The following UVSSA variants were observed in gnomAD, a reference collection of about 807,000 sequenced individuals.
The protein encoded by UVSSA is UV stimulated scaffold protein A.
UVSSA carries 72 observed loss-of-function variants against 73.9 expected under a neutral mutation model. That is an observed-to-expected ratio of 0.97 (90% CI 0.81 to 1.19). The LOEUF is 1.19. Ranked by LOEUF, UVSSA falls within the 50% of genes most tolerant of loss-of-function variation. The pLI, the probability that UVSSA is intolerant of heterozygous loss-of-function variation, is 0.00. For missense variants in UVSSA, 1,150 were observed against 965.0 expected (o/e 1.19, Z -2.54); for synonymous variants, 454 against 391.3 (o/e 1.16, Z -1.89).
chr4:1,344,458 C>T (rs10018133), upstream of UVSSA, among the ~76,000 whole-genome samples: 22,883 of 151,884 alleles, frequency 0.15, 1,988 homozygotes, highest in African/African-American at 0.23. Flanking sequence ...GGCCAAGACA[C>T]GAGAATCATT....
chr4:1,366,367 T>C lies in UVSSA; in HGVS notation c.1224T>C (p.Phe408=). 1 of 1,613,306 alleles carries C rather than the reference T, an allele frequency of 6.2e-7. No homozygotes were observed. The change falls in exon 8 of 14, where the codon TTT becomes TTC. Residue 408 remains phenylalanine (F), a synonymous_variant. Coordinates refer to ENST00000389851, the MANE Select transcript of UVSSA (RefSeq NM_020894.4). Reference sequence around the variant, plus strand: ...AGGAAGATGAGGACGATGAGGACTTTGTGGAGGTCCCTGAGAAGGAGGGGT... The same window carrying C: ...AGGAAGATGAGGACGATGAGGACTTCGTGGAGGTCCCTGAGAAGGAGGGGT... The part of the protein sequence containing the change: ...DAEEDEDDED[F]VEVPEKEGYE...
At chr4:1,357,486 G>A (rs1335485057) in intron 7 of UVSSA, among the ~76,000 whole-genome samples, 1 of 152,252 alleles carries the variant, frequency 6.6e-6, no homozygotes, top group Non-Finnish European at 1.5e-5. Flanking sequence ...TGGTGGAAGT[G>A]AATCTGGGCA....
chr4:1,380,508 G>A, intron 11 of UVSSA: 1 of 888,494 alleles, frequency 1.1e-6, no homozygotes, highest in Non-Finnish European at 1.7e-6. Flanking sequence ...CTCCATGGTT[G>A]CAGCCCGGGT....
chr4:1,383,689 GCC>G, intron 12 of UVSSA, 75 bp from the exon 13 acceptor site: 1 of 1,577,118 alleles, frequency 6.3e-7, no homozygotes, highest in Admixed American at 1.7e-5. Flanking sequence ...GAGACCAAGA[GCC>G]CCTCCTGGGG....
In UVSSA at chr4:1,381,456, C is replaced by T. The variant is rs78423011; in HGVS notation, c.1861+468C>T. The stretch of plus-strand genomic sequence containing the variant: ...AGGAGGCGTGTGGCCACTGCTATGG[C>T]GGCAGGAGTGCGGGTGCCCAGAGGC... On this transcript the variant is annotated intron_variant, in intron 12 of 13. Coordinates refer to ENST00000389851, the MANE Select transcript of UVSSA (RefSeq NM_020894.4). Among the ~76,000 whole-genome samples, 1,520 of 152,318 alleles carry T rather than the reference C, an allele frequency of 1.0e-2. 25 individuals carry two copies. Among genetic ancestry groups the T allele is most frequent in the African/African-American group, 0.033 (1,354 of 41,576 alleles).
At chr4:1,372,549 C>T (rs1303488122) in intron 8 of UVSSA, among the ~76,000 whole-genome samples, 2 of 152,210 alleles carry the variant, frequency 1.3e-5, no homozygotes, top group South Asian at 2.1e-4. Context: ...CCACGTGTGG[C>T]CTCCTTCCAC....
Position 1,383,786 on chromosome 4 carries a change from A to T in UVSSA, c.1882A>T (p.Met628Leu), listed in dbSNP as rs1260544010. The T allele has an allele frequency of 1.2e-6, 2 of 1,613,334 alleles. No homozygotes were observed. Among genetic ancestry groups the T allele is most frequent in the Non-Finnish European group, 1.7e-6 (2 of 1,179,992 alleles). Reference protein sequence around the residue: ...ERPEWQDPELMRDVEAATGQD... With the variant: ...ERPEWQDPELLRDVEAATGQD... ...TGCAGAATGGCAGGACCCTGAGTTG[A>T]TGAGAGACGTGGAAGCAGCCACAGG... Residue 628 changes from methionine (M) to leucine (L), a missense_variant, in exon 13 of 14, where the codon ATG becomes TTG. By Grantham distance (15) the Met-to-Leu change is conservative. Coordinates refer to ENST00000389851, the MANE Select transcript of UVSSA (RefSeq NM_020894.4).
chr4:1,349,499 G>C (rs1458243106), intron 2 of UVSSA, 25 bp from the exon 3 acceptor site: 1 of 1,601,264 alleles, frequency 6.2e-7, no homozygotes, highest in Middle Eastern at 1.9e-4. Context: ...TGGGGCAGTT[G>C]GGTCAGGCCA....
intron 12 of UVSSA, among the ~76,000 whole-genome samples, chr4:1,381,204 G>A (rs961836181): frequency 6.6e-6 from 1 of 152,240 alleles, no homozygotes; most frequent in Non-Finnish European, 1.5e-5. Context: ...GCTTTAGGGG[G>A]TCACGTGTTC....
intron 12 of UVSSA, among the ~76,000 whole-genome samples, chr4:1,382,009 G>A (rs1050784234): frequency 6.6e-6 from 1 of 152,192 alleles, no homozygotes; most frequent in East Asian, 1.9e-4. Flanking sequence ...GCCCTGGCCC[G>A]AAGTGGGGGT....
In UVSSA at chr4:1,386,534, C is replaced by T. The variant is rs1720129703; in HGVS notation, c.*573C>T. ...TGCAGTTCCCCTCCAATGTATAAAA[C>T]AAAGGAGGTGAAAACCTGTCCATGC... On this transcript the variant is annotated 3_prime_UTR_variant, in exon 14 of 14. Transcript: ENST00000389851. 1 of 153,564 alleles carries T rather than the reference C, an allele frequency of 6.5e-6. No individual in the cohort carries two copies. The highest frequency in any genetic ancestry group is 1.9e-4 in the East Asian group (1 of 5,214). The allele number at this position is 153,564 out of a possible 1,614,324, so 9.5% of individuals were successfully genotyped here.
downstream of UVSSA, chr4:1,388,138 T>C (rs940364713): frequency 4.6e-5 from 7 of 152,202 alleles, no homozygotes; most frequent in African/African-American, 1.2e-4. Flanking sequence ...TTCTCACTTA[T>C]TTTGTTAAAT....
chr4:1,379,225 C>T (rs1335687993), intron 10 of UVSSA, among the ~76,000 whole-genome samples: 1 of 152,230 alleles, frequency 6.6e-6, no homozygotes, highest in Non-Finnish European at 1.5e-5. Flanking sequence ...ATCTGTCCTC[C>T]CCAGCTCCTG....
chr4:1,359,715 C>T (rs1366933116), intron 7 of UVSSA, among the ~76,000 whole-genome samples: 1 of 152,118 alleles, frequency 6.6e-6, no homozygotes, highest in Admixed American at 6.6e-5. Flanking sequence ...CAGAGTCGTC[C>T]CCCCGACTCT....
rs145563943 is a variant in UVSSA at position 1,395,447 on chromosome 4, C to G, written c.*9486C>G. 2.5e-6 allele frequency: 4 copies of G among 1,594,546 alleles called. No homozygotes were observed. The highest frequency in any genetic ancestry group is 3.4e-6 in the Non-Finnish European group (4 of 1,172,746). On this transcript the variant is annotated 3_prime_UTR_variant, in exon 14 of 14. Transcript: ENST00000511216. ...CGTGCCGACGTGGAGTGCCCGCCTGCTCACGTGCCCATATGGAGTGCCCGC... is the reference window on the plus strand; with the variant it reads ...CGTGCCGACGTGGAGTGCCCGCCTGGTCACGTGCCCATATGGAGTGCCCGC...
intron 12 of UVSSA, among the ~76,000 whole-genome samples, chr4:1,382,259 A>G (rs1043470176): frequency 1.3e-5 from 2 of 152,190 alleles, no homozygotes; most frequent in Non-Finnish European, 2.9e-5. Context: ...TTTTGTGTCA[A>G]CCCTGAAGAG....
At chr4:1,376,276 T>C (rs1265569325) in intron 10 of UVSSA, 108 bp downstream of exon 10, 1 of 1,415,898 alleles carries the variant, frequency 7.1e-7, no homozygotes, top group African/African-American at 1.5e-5. Context: ...AAGCTGGCCC[T>C]GCCTCCCAGC....
rs745854333 is a variant in UVSSA, at chr4:1,375,509, G to A, written c.1433+1G>A. The A allele has an allele frequency of 6.2e-7, 1 of 1,608,448 alleles. No individual in the cohort carries two copies. The highest frequency in any genetic ancestry group is 1.1e-5 in the South Asian group (1 of 90,990). On this transcript the variant is annotated splice_donor_variant, in intron 9 of 13. Transcript: ENST00000389851. LOFTEE classifies it high-confidence loss of function. ...ACTTGCCTCCACCCTCATCTGCCAG[G>A]TGACTCCCAGTGTCCTGTGTGCTGA...
intron 10 of UVSSA, 71 bp from the exon 11 acceptor site, chr4:1,379,976 C>T: frequency 4.0e-6 from 6 of 1,505,398 alleles, no homozygotes; most frequent in Non-Finnish European, 4.5e-6. Flanking sequence ...TTCCCCTGTG[C>T]CTGCACCACC....
Sources: gnomAD v4.1 joint callset for allele counts (sites outside exome capture counted in the v4.1 genomes callset) on GRCh38, gnomAD v4.1.1 for gene constraint, MANE v1.5 for transcripts, NCBI Gene and HGNC (gene_info 2026-07-23, HGNC 2026-07-21) for gene names.